Variants in NBPF12 observed in about 807,000 individuals in gnomAD.
NBPF12 encodes the protein NBPF member 12.
NBPF12 carries 115 observed loss-of-function variants against 146.4 expected under a neutral mutation model. That is an observed-to-expected ratio of 0.79 (90% CI 0.68 to 0.92). NBPF12 has a LOEUF of 0.92. Ranked by LOEUF, NBPF12 falls within the 40% of genes least tolerant of loss-of-function variation. NBPF12 has a pLI of 0.00. For synonymous variants in NBPF12, 385 were observed against 508.9 expected (o/e 0.76, Z 3.28); for missense variants, 1,205 against 1,326.8 (o/e 0.91, Z 1.43).
chr1:146,984,327 C>G lies in NBPF12; in HGVS notation c.2666+142C>G, dbSNP rs1657579238. 3 of 683,532 alleles carry G rather than the reference C, an allele frequency of 4.4e-6. No individual in the cohort carries two copies. In the South Asian group the frequency reaches 5.0e-5, roughly 11 times the overall value. The allele number at this position is 683,532 out of a possible 1,614,324, so 42.3% of individuals were successfully genotyped here. ...ATGCCTACTGCATTGTTTTTTGGTT[C>G]TCATTAGAGTAAATGTTTAGGTTTC... On this transcript the variant is annotated intron_variant, in intron 21 of 33. Coordinates refer to ENST00000617844, the Ensembl canonical transcript of NBPF12.
chr1:146,938,876 G>A (rs1313021532), exon 1 of NBPF12: 1 of 152,258 alleles, frequency 6.6e-6, no homozygotes, highest in African/African-American at 2.4e-5. Context: ...TTGGGAACGC[G>A]GGACGGGCGA....
intron 4 of NBPF12, among the ~76,000 whole-genome samples, chr1:146,961,010 G>C (rs1189465349): frequency 1.3e-5 from 2 of 152,082 alleles, no homozygotes; most frequent in Non-Finnish European, 2.9e-5. Context: ...GATGGGCGTC[G>C]TGGCGGGCAA....
chr1:146,984,823 G>C, exon 22 of NBPF12: 1 of 1,507,142 alleles, frequency 6.6e-7, no homozygotes, highest in Non-Finnish European at 9.2e-7. Flanking sequence ...GCTCAGCAGG[G>C]AGCTGCTGGC....
intron 31 of NBPF12, 78 bp from the exon 35 acceptor site, chr1:146,992,634 C>G (rs1483205106): frequency 8.3e-5 from 64 of 774,684 alleles, no homozygotes; most frequent in Non-Finnish European, 1.4e-4. Flanking sequence ...CTTCCTTATG[C>G]TACCCATGAA....
intron 1 of NBPF12, among the ~76,000 whole-genome samples, chr1:146,950,450 A>C (rs1352629615): frequency 6.6e-6 from 1 of 151,844 alleles, no homozygotes; most frequent in African/African-American, 2.4e-5. Flanking sequence ...GGAGGGGATA[A>C]AGAAGTCACT....
chr1:146,953,081 C>T (rs1287240034), intron 2 of NBPF12, among the ~76,000 whole-genome samples: 28 of 149,184 alleles, frequency 1.9e-4, no homozygotes, highest in South Asian at 6.4e-4. Context: ...GAGGTCATGG[C>T]GGGAGATGCT....
chr1:146,964,465 T>G, intron 7 of NBPF12, 36 bp downstream of exon 10: 3 of 1,595,580 alleles, frequency 1.9e-6, no homozygotes, highest in Non-Finnish European at 2.6e-6. Context: ...TAATGGGTGG[T>G]AACATATGAA....
rs1656091326 is a variant in NBPF12 at position 146,964,876 on chromosome 1, C to A, written c.567-17C>A. The A allele has an allele frequency of 9.0e-6, 14 of 1,555,502 alleles. No homozygotes were observed. Among genetic ancestry groups the A allele is most frequent in the Non-Finnish European group, 2.7e-6 (3 of 1,130,532 alleles). On this transcript the variant is annotated splice_polypyrimidine_tract_variant and intron_variant, in intron 7 of 33. Coordinates refer to ENST00000617844, the Ensembl canonical transcript of NBPF12. ...GTGTTTAATCTTCTGTCATCTCTGTCCCACCTGGCTCATCAGGGAGGTGCA... is the reference window on the plus strand; with the variant it reads ...GTGTTTAATCTTCTGTCATCTCTGTACCACCTGGCTCATCAGGGAGGTGCA...
chr1:146,939,121 G>C (rs1370194420), intron 1 of NBPF12, 109 bp downstream of exon 1: 2 of 152,076 alleles, frequency 1.3e-5, no homozygotes, highest in African/African-American at 2.4e-5. Flanking sequence ...GCCGGGCTCC[G>C]CAGGGCTCCG....
exon 34 of NBPF12, chr1:146,994,566 C>T (rs1658421836): frequency 5.6e-6 from 9 of 1,609,244 alleles, no homozygotes; most frequent in Non-Finnish European, 6.8e-6. Flanking sequence ...GAGTCATATT[C>T]CCACAATAAG....
intron 31 of NBPF12, among the ~76,000 whole-genome samples, chr1:146,992,462 C>CTCTGTGTG (rs1450490306): frequency 6.0e-5 from 4 of 66,272 alleles, no homozygotes; most frequent in African/African-American, 2.2e-4. Context: ...CTCTCTCTCT[C>CTCTGTGTG]TGTGTGTGTG....
chr1:146,964,763 T>A (rs1385786842), intron 7 of NBPF12, 130 bp from the exon 11 acceptor site: 130,474 of 1,423,600 alleles, frequency 0.092, 6,414 homozygotes, highest in East Asian at 0.21. Context: ...GTTCCCTCTT[T>A]AAGGGAACCT....
chr1:146,955,032 A>G (rs1239385717), intron 2 of NBPF12, among the ~76,000 whole-genome samples: 42 of 114,086 alleles, frequency 3.7e-4, no homozygotes, highest in African/African-American at 1.3e-3. Context: ...ACACACATAT[A>G]TATATTGCAG....
At chr1:146,941,242 G>C (rs1255017547) in intron 1 of NBPF12, among the ~76,000 whole-genome samples, 1 of 151,264 alleles carries the variant, frequency 6.6e-6, no homozygotes, top group Non-Finnish European at 1.5e-5. Flanking sequence ...CCACTACCAT[G>C]CTCAGCTGTT....
At chr1:146,964,465 T>C in intron 7 of NBPF12, 36 bp downstream of exon 10, 6 of 1,595,578 alleles carry the variant, frequency 3.8e-6, no homozygotes, top group Non-Finnish European at 4.3e-6. Context: ...TAATGGGTGG[T>C]AACATATGAA....
intron 11 of NBPF12, among the ~76,000 whole-genome samples, chr1:146,970,185 A>G (rs1187095031): frequency 6.6e-6 from 1 of 150,668 alleles, no homozygotes; most frequent in South Asian, 2.1e-4. Context: ...CATGGATAGA[A>G]TGTCCCTGAA....
exon 34 of NBPF12, chr1:146,995,069 C>G (rs1295008248): frequency 1.2e-5 from 2 of 164,560 alleles, no homozygotes; most frequent in Admixed American, 5.9e-5. Context: ...TCAGAACCAC[C>G]AACTGCTCTT....
intron 5 of NBPF12, 78 bp downstream of exon 8, chr1:146,962,341 A>T: frequency 8.3e-7 from 1 of 1,198,752 alleles, no homozygotes; most frequent in Non-Finnish European, 1.2e-6. Flanking sequence ...GGGGAGAAGT[A>T]AGAACGAAGC....
At position 146,960,348 on chromosome 1, in the gene NBPF12, G is replaced by T. The variant is rs1422569238; in HGVS notation, c.175+30G>T. 851 of 1,477,220 alleles carry T rather than the reference G, an allele frequency of 5.8e-4. 6 individuals carry two copies. Among genetic ancestry groups the T allele is most frequent in the South Asian group, 2.3e-3 (199 of 88,370 alleles). 91.5% of individuals were successfully genotyped at this position (1,477,220 alleles called of 1,614,324 possible). Reference sequence around the variant, plus strand: ...GATCTATAGGCTCACCATCATGAAAGTGATGAATGATGTCCTGTCTTCTCT... The same window carrying T: ...GATCTATAGGCTCACCATCATGAAATTGATGAATGATGTCCTGTCTTCTCT... On this transcript the variant is annotated intron_variant, in intron 4 of 33. Coordinates refer to ENST00000617844, the Ensembl canonical transcript of NBPF12.
Sources: allele counts gnomAD v4.1 joint callset (sites outside exome capture counted in the v4.1 genomes callset), GRCh38; gene constraint gnomAD v4.1.1; transcripts MANE v1.5; gene names NCBI Gene and HGNC (gene_info 2026-07-23, HGNC 2026-07-21).